SHISAL1: variants seen among roughly 807,000 people sequenced by gnomAD.
The protein encoded by SHISAL1 is shisa like 1.
A neutral mutation model predicts 22.6 loss-of-function variants in SHISAL1; 9 were observed. The ratio of observed to expected loss-of-function variants is 0.40; its 90% CI spans 0.24 to 0.70. The LOEUF (loss-of-function observed/expected upper bound fraction) is 0.70. Among genes scored for constraint, SHISAL1 ranks in the 30% least tolerant of loss-of-function variants. The pLI is 0.39. For synonymous variants in SHISAL1, 119 were observed against 115.4 expected, an observed-to-expected ratio of 1.03 and a Z score of -0.20; for missense variants, 246 against 270.6, an observed-to-expected ratio of 0.91 and a Z score of 0.64.
chr22:44,273,763 C>T (rs2055220331), intron 4 of SHISAL1, among the ~76,000 whole-genome samples: 3 of 151,892 alleles, frequency 2.0e-5, no homozygotes, highest in Admixed American at 2.0e-4. Flanking sequence ...GACAAGAACA[C>T]CAAGGAACTG....
chr22:44,284,707 C>A (rs1484513077), intron 4 of SHISAL1, among the ~76,000 whole-genome samples: 4 of 152,178 alleles, frequency 2.6e-5, no homozygotes, highest in African/African-American at 7.2e-5. Flanking sequence ...AACGCACAGA[C>A]CCTGCCTCTC....
chr22:44,263,549 G>A (rs796362126), intron 4 of SHISAL1, among the ~76,000 whole-genome samples: 68 of 152,332 alleles, frequency 4.5e-4, no homozygotes, highest in African/African-American at 1.4e-3. Flanking sequence ...CTGCTGACGC[G>A]ATGGAGTTGA....
At chr22:44,312,184 C>T (rs914891112) in intron 1 of SHISAL1, among the ~76,000 whole-genome samples, 3 of 152,186 alleles carry the variant, frequency 2.0e-5, no homozygotes, top group Non-Finnish European at 2.9e-5. Flanking sequence ...TTCGGAGGGG[C>T]CAATGCATTC....
chr22:44,306,949 C>T (rs1469124912), intron 1 of SHISAL1, among the ~76,000 whole-genome samples: 4 of 145,168 alleles, frequency 2.8e-5, no homozygotes, highest in South Asian at 2.2e-4. Flanking sequence ...ATGACGATGG[C>T]GTGTGTGGAG....
chr22:44,249,736 G>C (rs1237914283), intron 4 of SHISAL1, 51 bp from the exon 5 acceptor site: 2 of 777,838 alleles, frequency 2.6e-6, no homozygotes, highest in East Asian at 2.4e-5. Flanking sequence ...CCTCCATGGG[G>C]ACATTTCTCT....
chr22:44,272,270 T>C (rs16990719), intron 4 of SHISAL1, among the ~76,000 whole-genome samples: 4,684 of 152,296 alleles, frequency 0.031, 257 homozygotes, highest in African/African-American at 0.11. Flanking sequence ...TCCAGAAGTG[T>C]GTCTTCAAAA....
intron 4 of SHISAL1, among the ~76,000 whole-genome samples, chr22:44,267,721 T>C (rs1179475562): frequency 6.6e-6 from 1 of 152,228 alleles, no homozygotes; most frequent in Admixed American, 6.5e-5. Flanking sequence ...TGGCTGCTCT[T>C]CTGATGGATT....
chr22:44,270,892 G>A (rs920403853), intron 4 of SHISAL1, among the ~76,000 whole-genome samples: 1 of 152,178 alleles, frequency 6.6e-6, no homozygotes, highest in African/African-American at 2.4e-5. Flanking sequence ...GCTGGCAACA[G>A]AACCACGTAG....
intron 4 of SHISAL1, among the ~76,000 whole-genome samples, chr22:44,251,699 G>A (rs2055048732): frequency 6.6e-6 from 1 of 152,198 alleles, no homozygotes; most frequent in Non-Finnish European, 1.5e-5. Flanking sequence ...CATTTGTAAA[G>A]CCATCAGATT....
At chr22:44,301,629 C>G (rs2055430058) in intron 1 of SHISAL1, among the ~76,000 whole-genome samples, 1 of 152,214 alleles carries the variant, frequency 6.6e-6, no homozygotes. Flanking sequence ...GCATCCTTCA[C>G]CTTAGTCAAA....
At chr22:44,316,801 G>C (rs1013768777), upstream of SHISAL1, among the ~76,000 whole-genome samples, 4 of 152,222 alleles carry the variant, frequency 2.6e-5, no homozygotes, top group Non-Finnish European at 5.9e-5. Context: ...GCTGGAGCAT[G>C]TGGCAGGTTC....
At chr22:44,279,118 C>T (rs997973760) in intron 4 of SHISAL1, among the ~76,000 whole-genome samples, 12 of 152,172 alleles carry the variant, frequency 7.9e-5, no homozygotes, top group Non-Finnish European at 1.2e-4. Flanking sequence ...CCCACCACCG[C>T]GGAGTGACAC....
upstream of SHISAL1, among the ~76,000 whole-genome samples, chr22:44,315,476 G>A (rs1392760834): frequency 2.0e-5 from 3 of 152,076 alleles, no homozygotes; most frequent in Non-Finnish European, 2.9e-5. Flanking sequence ...GTAGGGAATC[G>A]GTGTGAATTC....
At chr22:44,316,011 A>AC (rs1004427486), upstream of SHISAL1, among the ~76,000 whole-genome samples, 2 of 151,792 alleles carry the variant, frequency 1.3e-5, no homozygotes, top group Non-Finnish European at 2.9e-5. Flanking sequence ...GGCAATGATA[A>AC]CCCCCCAGGG....
At position 44,269,451 on chromosome 22, in the gene SHISAL1, CCACA is replaced by C. The variant is rs1038540558; in HGVS notation, c.599+15973_599+15976del. Among the ~76,000 whole-genome samples the C allele has an allele frequency of 5.8e-5, 8 of 137,034 alleles. No individual in the cohort carries two copies. In the South Asian group the frequency reaches 1.4e-3, roughly 25 times the overall value. The allele number at this position is 137,034 out of a possible 152,430, so 89.9% of individuals were successfully genotyped here. ...AGACAGAAGACACACACACACCATG[CCACA>C]CAGACGCCCACAACACGCGCACACA... On this transcript the variant is annotated intron_variant, in intron 4 of 4. Coordinates refer to ENST00000381176, the MANE Select transcript of SHISAL1 (RefSeq NM_001099294.2).
At chr22:44,323,246 C>G in the SHISAL1 span, among the ~76,000 whole-genome samples, 1 of 148,002 alleles carries the variant, frequency 6.8e-6, no homozygotes, top group Non-Finnish European at 1.5e-5. Context: ...ATCCATCCAT[C>G]CATTCATCCA....
the SHISAL1 span, among the ~76,000 whole-genome samples, chr22:44,319,093 C>G: frequency 6.6e-6 from 1 of 152,270 alleles, no homozygotes; most frequent in Non-Finnish European, 1.5e-5. Flanking sequence ...CGTGAAGACT[C>G]CAGGCCACGG....
At position 44,304,705 on chromosome 22, in the gene SHISAL1, G is replaced by T. The variant is rs575913315; in HGVS notation, c.-32-3728C>A. On this transcript the variant is annotated intron_variant, in intron 1 of 4. Transcript: ENST00000381176. The stretch of plus-strand genomic sequence containing the variant: ...AGTGCTCAGGAATGGATTTCTCCGG[G>T]GGAGTCCTATGGATCAGCCCTGGAA... 9.8e-5 allele frequency among the ~76,000 whole-genome samples: 15 copies of T among 152,322 alleles called. No individual in the cohort carries two copies. In the East Asian group the frequency reaches 2.9e-3, roughly 29 times the overall value.
At chr22:44,269,182 A>G (rs1167073652) in intron 4 of SHISAL1, among the ~76,000 whole-genome samples, 1 of 150,616 alleles carries the variant, frequency 6.6e-6, no homozygotes, top group African/African-American at 2.5e-5. Flanking sequence ...AATATCACAT[A>G]CATATGCCAT....
Sources: allele counts gnomAD v4.1 joint callset (sites outside exome capture counted in the v4.1 genomes callset), GRCh38; gene constraint gnomAD v4.1.1; transcripts MANE v1.5; gene names NCBI Gene and HGNC (gene_info 2026-07-23, HGNC 2026-07-21).